The following RBFOX1 variants were observed in gnomAD, a reference collection of about 807,000 sequenced individuals.
RBFOX1 encodes the protein RNA binding protein fox-1 homolog 1.
RBFOX1 carries 8 observed loss-of-function variants against 57.7 expected under a neutral mutation model. That is an observed-to-expected ratio of 0.14 (90% CI 0.08 to 0.25). The LOEUF is 0.25. Ranked by LOEUF, RBFOX1 falls within the 10% of genes least tolerant of loss-of-function variation. The probability of loss-of-function intolerance (pLI) is 1.00; values close to 1 mark genes in which losing one functional copy is unlikely to be tolerated. For missense variants in RBFOX1, 611 were observed against 548.5 expected (o/e 1.11, Z -1.14); for synonymous variants, 326 against 222.4 (o/e 1.47, Z -4.15).
At chr16:7,682,361 G>T (rs1296035605) in intron 14 of RBFOX1, among the ~76,000 whole-genome samples, 1 of 152,004 alleles carries the variant, frequency 6.6e-6, no homozygotes, top group Admixed American at 6.6e-5. Flanking sequence ...GGAGTTCTTG[G>T]GGGTTCAGAA....
chr16:6,629,086 A>T (rs1420239587), intron 2 of RBFOX1, among the ~76,000 whole-genome samples: 1 of 152,204 alleles, frequency 6.6e-6, no homozygotes, highest in Admixed American at 6.5e-5. Flanking sequence ...AACAGTTTAA[A>T]TGAAAGAGTA....
chr16:5,745,599 C>T (rs1327386536), intron 3 of RBFOX1, among the ~76,000 whole-genome samples: 2 of 152,220 alleles, frequency 1.3e-5, no homozygotes, highest in Non-Finnish European at 2.9e-5. Context: ...TCCTGTCCAG[C>T]ACCTGTTGTT....
At chr16:5,714,346 A>G (rs1347413635) in intron 3 of RBFOX1, among the ~76,000 whole-genome samples, 2 of 152,164 alleles carry the variant, frequency 1.3e-5, no homozygotes, top group Non-Finnish European at 2.9e-5. Flanking sequence ...ATTGCCTTGA[A>G]CTGCTCCCAT....
At chr16:6,825,188 G>C (rs938202051) in intron 3 of RBFOX1, among the ~76,000 whole-genome samples, 2 of 149,414 alleles carry the variant, frequency 1.3e-5, no homozygotes, top group Admixed American at 1.4e-4. Context: ...CCTTTCTTGT[G>C]GGGGGGCTGA....
chr16:7,147,461 G>A (rs930578887), intron 4 of RBFOX1, among the ~76,000 whole-genome samples: 10 of 151,972 alleles, frequency 6.6e-5, no homozygotes, highest in East Asian at 1.9e-4. Flanking sequence ...TTTCAACCCC[G>A]GCCTTCCCAC....
chr16:6,402,567 G>A (rs1294042097), intron 2 of RBFOX1, among the ~76,000 whole-genome samples: 2 of 152,148 alleles, frequency 1.3e-5, no homozygotes, highest in Admixed American at 6.5e-5. Flanking sequence ...CTGCTTAAGA[G>A]TGTTCAGTTT....
chr16:7,295,552 GAGGTTTTAAGAACTTGTATGTCAGT>G (rs1286619495), intron 4 of RBFOX1, among the ~76,000 whole-genome samples: 2 of 152,128 alleles, frequency 1.3e-5, no homozygotes, highest in Non-Finnish European at 2.9e-5. Context: ...GAATGAAACT[GAGGTTTTAAGAACTTGTATGTCAGT>G]AGACATATAA....
chr16:7,230,666 G>T (rs2093446161), intron 4 of RBFOX1, among the ~76,000 whole-genome samples: 1 of 152,182 alleles, frequency 6.6e-6, no homozygotes, highest in Non-Finnish European at 1.5e-5. Context: ...AAAATCAGTT[G>T]AGATACTAAA....
chr16:7,080,574 C>G (rs140196968), intron 4 of RBFOX1, among the ~76,000 whole-genome samples: 35 of 152,252 alleles, frequency 2.3e-4, no homozygotes, highest in African/African-American at 7.5e-4. Context: ...TTCAGAGATT[C>G]CTCAGCAATT....
At chr16:5,552,966 G>T (rs2045522182) in intron 2 of RBFOX1, among the ~76,000 whole-genome samples, 1 of 152,122 alleles carries the variant, frequency 6.6e-6, no homozygotes, top group Non-Finnish European at 1.5e-5. Context: ...AAAAGGATCA[G>T]TCCATGTCCT....
chr16:7,610,513 C>G (rs984952969), intron 10 of RBFOX1, among the ~76,000 whole-genome samples: 1 of 152,104 alleles, frequency 6.6e-6, no homozygotes, highest in African/African-American at 2.4e-5. Context: ...CCAGCTGCCA[C>G]CACCACCACC....
At chr16:6,990,612 C>T (rs749019493) in intron 3 of RBFOX1, among the ~76,000 whole-genome samples, 2 of 152,050 alleles carry the variant, frequency 1.3e-5, no homozygotes, top group African/African-American at 4.8e-5. Flanking sequence ...GTAGAAGTAG[C>T]ATATATTACA....
At chr16:7,447,283 A>G (rs568706159) in intron 4 of RBFOX1, among the ~76,000 whole-genome samples, 3 of 152,040 alleles carry the variant, frequency 2.0e-5, no homozygotes, top group South Asian at 2.1e-4. Flanking sequence ...AAATACAAAA[A>G]TTAGCCAGCT....
intron 4 of RBFOX1, among the ~76,000 whole-genome samples, chr16:7,420,882 AATATATAT>A (rs149189616): frequency 1.4e-5 from 2 of 145,492 alleles, no homozygotes; most frequent in Non-Finnish European, 3.0e-5. Context: ...TATCTTTTAA[AATATATAT>A]ATATATACAC....
intron 4 of RBFOX1, among the ~76,000 whole-genome samples, chr16:5,955,525 G>A (rs1316372939): frequency 1.3e-5 from 2 of 152,018 alleles, no homozygotes; most frequent in Non-Finnish European, 2.9e-5. Flanking sequence ...CATCATAGAA[G>A]TAACAGTAGC....
chr16:7,246,007 C>G (rs562473598), intron 4 of RBFOX1, among the ~76,000 whole-genome samples: 2 of 152,308 alleles, frequency 1.3e-5, no homozygotes, highest in East Asian at 1.9e-4. Flanking sequence ...TGTTTTTCCA[C>G]TTCAAGTGTG....
intron 3 of RBFOX1, among the ~76,000 whole-genome samples, chr16:6,967,150 C>T (rs1347165273): frequency 1.3e-5 from 2 of 152,120 alleles, no homozygotes; most frequent in Non-Finnish European, 2.9e-5. Context: ...ATCCATTCAT[C>T]ATCTATCCAT....
chr16:5,762,705 A>G (rs2053632494), intron 3 of RBFOX1, among the ~76,000 whole-genome samples: 1 of 152,202 alleles, frequency 6.6e-6, no homozygotes, highest in Admixed American at 6.5e-5. Context: ...AAAAAATCAA[A>G]TAATGATGGT....
At chr16:7,260,758 A>C (rs1251493179) in intron 4 of RBFOX1, among the ~76,000 whole-genome samples, 1 of 152,190 alleles carries the variant, frequency 6.6e-6, no homozygotes, top group Non-Finnish European at 1.5e-5. Flanking sequence ...GATAGAACAC[A>C]CAGGGACTGA....
Sources: allele counts gnomAD v4.1 joint callset (sites outside exome capture counted in the v4.1 genomes callset), GRCh38; gene constraint gnomAD v4.1.1; transcripts MANE v1.5; gene names NCBI Gene and HGNC (gene_info 2026-07-23, HGNC 2026-07-21).